LPP: variants seen among roughly 807,000 people sequenced by gnomAD.
LPP encodes LIM domain containing preferred translocation partner in lipoma.
In LPP, 38 loss-of-function variants were observed where a neutral mutation model predicts 60.4. The ratio of observed to expected loss-of-function variants is 0.63; its 90% CI spans 0.49 to 0.83. LPP has a LOEUF of 0.83. Ranked by LOEUF, LPP falls within the 40% of genes least tolerant of loss-of-function variation. The pLI is 0.00. For synonymous variants in LPP, 328 were observed against 290.8 expected, an observed-to-expected ratio of 1.13 and a Z score of -1.30; for missense variants, 902 against 783.6, an observed-to-expected ratio of 1.15 and a Z score of -1.80.
chr3:188,846,293 G>A (rs1052279553), intron 9 of LPP, among the ~76,000 whole-genome samples: 3 of 152,210 alleles, frequency 2.0e-5, no homozygotes, highest in African/African-American at 7.2e-5. Context: ...AGGCTTTGGA[G>A]AACAGGGCAC....
At chr3:188,831,011 A>G (rs1757011194) in intron 9 of LPP, among the ~76,000 whole-genome samples, 1 of 152,182 alleles carries the variant, frequency 6.6e-6, no homozygotes, top group Admixed American at 6.5e-5. Context: ...AGACTTCTGG[A>G]TTATTAAATT....
intron 2 of LPP, among the ~76,000 whole-genome samples, chr3:188,277,157 AC>A (rs1740255696): frequency 6.6e-6 from 1 of 151,692 alleles, no homozygotes; most frequent in Admixed American, 6.6e-5. Flanking sequence ...ACCCGCCTCC[AC>A]CTCACAACGT....
chr3:188,584,730 T>C (rs1405307912), intron 6 of LPP, among the ~76,000 whole-genome samples: 1 of 152,086 alleles, frequency 6.6e-6, no homozygotes, highest in Non-Finnish European at 1.5e-5. Flanking sequence ...TCTTCTTCTT[T>C]TTTTTTCCTT....
chr3:188,350,691 G>T (rs996942848), intron 3 of LPP, among the ~76,000 whole-genome samples: 2 of 152,166 alleles, frequency 1.3e-5, no homozygotes, highest in African/African-American at 4.8e-5. Flanking sequence ...CAAGGCCTGG[G>T]ACCCAGGTGT....
intron 2 of LPP, among the ~76,000 whole-genome samples, chr3:188,313,838 G>A (rs575315011): frequency 4.6e-5 from 7 of 151,876 alleles, no homozygotes; most frequent in African/African-American, 1.5e-4. Flanking sequence ...CATGTAGACC[G>A]TGCCTGTTTC....
In LPP at chr3:188,616,107, T is replaced by C. The variant is rs1292233597; in HGVS notation, c.1113+6263T>C. 2.0e-5 allele frequency among the ~76,000 whole-genome samples: 3 copies of C among 152,218 alleles called. No homozygotes were observed. In the East Asian group the frequency reaches 5.8e-4, roughly 29 times the overall value. ...TTAGTTACATCCCATTTGTCAATTT[T>C]GGCTTTTGTTGCAATTGCTTTTGGC... On this transcript the variant is annotated intron_variant, in intron 7 of 11. Coordinates refer to ENST00000617246, the MANE Select transcript of LPP (RefSeq NM_001375462.1).
chr3:188,522,121 A>G (rs565829717), intron 5 of LPP, among the ~76,000 whole-genome samples: 3 of 152,346 alleles, frequency 2.0e-5, no homozygotes, highest in Non-Finnish European at 4.4e-5. Flanking sequence ...CACCTTGAAA[A>G]CATCTGTTTC....
At chr3:188,487,628 G>T (rs995027002) in intron 5 of LPP, among the ~76,000 whole-genome samples, 1 of 152,144 alleles carries the variant, frequency 6.6e-6, no homozygotes, top group African/African-American at 2.4e-5. Context: ...AAAAGAAAAC[G>T]AACATGCCCT....
intron 3 of LPP, among the ~76,000 whole-genome samples, chr3:188,403,164 G>A (rs180731507): frequency 1.5e-3 from 222 of 152,220 alleles, no homozygotes; most frequent in Admixed American, 2.5e-3. Flanking sequence ...GGCAGCATGC[G>A]GGTAATTTAT....
chr3:188,673,697 G>A (rs1006211151), intron 7 of LPP, among the ~76,000 whole-genome samples: 1 of 152,080 alleles, frequency 6.6e-6, no homozygotes, highest in Non-Finnish European at 1.5e-5. Flanking sequence ...AGAGAAAATG[G>A]ACAAGTTTCT....
chr3:188,623,801 T>C (rs572319163), intron 7 of LPP, among the ~76,000 whole-genome samples: 6 of 152,364 alleles, frequency 3.9e-5, no homozygotes, highest in Non-Finnish European at 7.3e-5. Context: ...TATGTTAAGC[T>C]GCTGAGGATG....
At chr3:188,667,017 G>T (rs1855932128) in intron 7 of LPP, among the ~76,000 whole-genome samples, 1 of 152,086 alleles carries the variant, frequency 6.6e-6, no homozygotes, top group Non-Finnish European at 1.5e-5. Flanking sequence ...ACTTTCTTAA[G>T]ATTTTGAGGT....
At chr3:188,361,275 A>G (rs1769224090) in intron 3 of LPP, among the ~76,000 whole-genome samples, 1 of 152,236 alleles carries the variant, frequency 6.6e-6, no homozygotes, top group Non-Finnish European at 1.5e-5. Context: ...ACACTTGAAA[A>G]GAGTCATGAA....
intron 1 of LPP, among the ~76,000 whole-genome samples, chr3:188,210,914 G>A (rs957716748): frequency 5.3e-5 from 8 of 152,130 alleles, no homozygotes; most frequent in Non-Finnish European, 1.2e-4. Flanking sequence ...GGTTGCAATG[G>A]CGAGATCTCT....
intron 1 of LPP, among the ~76,000 whole-genome samples, chr3:188,189,002 G>A (rs1365606383): frequency 2.0e-5 from 3 of 152,144 alleles, no homozygotes; most frequent in African/African-American, 7.2e-5. Context: ...TTGGTTAGTG[G>A]GTGATAATGT....
At chr3:188,250,813 T>G (rs1729146425) in intron 2 of LPP, among the ~76,000 whole-genome samples, 1 of 147,170 alleles carries the variant, frequency 6.8e-6, no homozygotes, top group African/African-American at 2.5e-5. Flanking sequence ...TCTTTCTCTT[T>G]CTTTCTTTCT....
chr3:188,342,365 C>T (rs1463533374), intron 3 of LPP, among the ~76,000 whole-genome samples: 1 of 152,104 alleles, frequency 6.6e-6, no homozygotes, highest in East Asian at 1.9e-4. Flanking sequence ...ATACATTTGT[C>T]TTGAGTTTGC....
intron 6 of LPP, among the ~76,000 whole-genome samples, chr3:188,586,711 G>C (rs1339891211): frequency 6.7e-6 from 1 of 148,412 alleles, no homozygotes; most frequent in African/African-American, 2.5e-5. Flanking sequence ...GGTATTTTTA[G>C]CAAAATAGTC....
chr3:188,313,837 C>T (rs1485275347), intron 2 of LPP, among the ~76,000 whole-genome samples: 1 of 151,912 alleles, frequency 6.6e-6, no homozygotes, highest in East Asian at 1.9e-4. Context: ...TCATGTAGAC[C>T]GTGCCTGTTT....
Sources: gnomAD v4.1 joint callset for allele counts (sites outside exome capture counted in the v4.1 genomes callset) on GRCh38, gnomAD v4.1.1 for gene constraint, MANE v1.5 for transcripts, NCBI Gene and HGNC (gene_info 2026-07-23, HGNC 2026-07-21) for gene names.